The following UTRN variants were observed in gnomAD, a reference collection of about 807,000 sequenced individuals.
The protein encoded by UTRN is dystrophin-related protein 1.
Under a neutral mutation model 463.9 loss-of-function variants are expected in UTRN, and 283 were observed. The ratio of observed to expected loss-of-function variants is 0.61; its 90% CI spans 0.55 to 0.67. The LOEUF (loss-of-function observed/expected upper bound fraction) is 0.67. Among genes scored for constraint, UTRN ranks in the 30% least tolerant of loss-of-function variants. UTRN has a pLI of 0.00. For synonymous variants in UTRN, 1,442 were observed against 1,431.5 expected (o/e 1.01, Z -0.17); for missense variants, 3,922 against 4,084.3 (o/e 0.96, Z 1.08).
chr6:144,835,963 A>AT, intron 70 of UTRN, 25 bp downstream of exon 70: 3 of 1,609,888 alleles, frequency 1.9e-6, no homozygotes, highest in Non-Finnish European at 2.5e-6. Flanking sequence ...GGAGAAGGAA[A>AT]TATGTCATCC....
intron 51 of UTRN, among the ~76,000 whole-genome samples, chr6:144,642,927 C>T (rs1585741238): frequency 1.3e-5 from 2 of 152,110 alleles, no homozygotes; most frequent in Non-Finnish European, 2.9e-5. Flanking sequence ...TTTGCTCCTT[C>T]TGAGTTTACA....
At chr6:144,607,007 G>C (rs746020786) in intron 51 of UTRN, among the ~76,000 whole-genome samples, 1 of 152,084 alleles carries the variant, frequency 6.6e-6, no homozygotes, top group Non-Finnish European at 1.5e-5. Context: ...CCATTTATTT[G>C]CTGGTTTGTA....
Position 144,344,158 on chromosome 6 carries a change from T to C in UTRN, c.79+52251T>C, listed in dbSNP as rs1777376869. 5 of 1,297,254 alleles carry C rather than the reference T, an allele frequency of 3.9e-6. No individual in the cohort carries two copies. The East Asian group carries it at 2.8e-4, about 73-fold the overall frequency. The allele number at this position is 1,297,254 out of a possible 1,614,324, so 80.4% of individuals were successfully genotyped here. A position where few individuals can be genotyped will look rare whatever the true frequency, so the allele number is the denominator to read the frequency against. On this transcript the variant is annotated intron_variant, in intron 2 of 74. Coordinates refer to ENST00000367545, the MANE Select transcript of UTRN (RefSeq NM_007124.3). ...CAGTGTGCAGTTCGAAGGCTGCTTT[T>C]GTTGTCCACTTCCTCCACATCTTTT...
intron 51 of UTRN, among the ~76,000 whole-genome samples, chr6:144,609,651 T>A (rs1805259706): frequency 1.3e-5 from 2 of 152,132 alleles, no homozygotes; most frequent in Admixed American, 1.3e-4. Flanking sequence ...GAACATAAAA[T>A]AATCTCCAGA....
chr6:144,483,588 T>G (rs1792113348), intron 27 of UTRN, among the ~76,000 whole-genome samples: 2 of 152,102 alleles, frequency 1.3e-5, no homozygotes, highest in Non-Finnish European at 2.9e-5. Context: ...GACTCCAGCC[T>G]TGCAATGCCA....
intron 6 of UTRN, 42 bp from the exon 7 acceptor site, chr6:144,426,245 C>T (rs769478036): frequency 6.1e-5 from 95 of 1,561,680 alleles, no homozygotes; most frequent in Non-Finnish European, 2.6e-6. Flanking sequence ...AAGTAAATTA[C>T]TGAAGTATTA....
chr6:144,429,677 G>A lies in UTRN; in HGVS notation c.791G>A (p.Arg264His), dbSNP rs750839546. ...LPQQVTIDAI[R>H]EVETLPRKYK... is the part of the protein sequence containing the mutation. ...CAGCAAGTCACCATAGACGCCATCC[G>A]TGAGGTAGAGACACTCCCAAGGAAA... Residue 264 changes from arginine to histidine, a missense_variant, in exon 9 of 75, where the codon CGT (arginine) becomes CAT (histidine). Coordinates refer to ENST00000367545, the MANE Select transcript of UTRN (RefSeq NM_007124.3). The A allele has an allele frequency of 6.2e-6, 10 of 1,612,870 alleles. No individual in the cohort carries two copies. Among genetic ancestry groups the A allele is most frequent in the Middle Eastern group, 1.6e-4 (1 of 6,080 alleles).
intron 34 of UTRN, among the ~76,000 whole-genome samples, chr6:144,499,774 G>C (rs949686102): frequency 1.3e-5 from 2 of 151,898 alleles, no homozygotes; most frequent in Non-Finnish European, 1.5e-5. Flanking sequence ...TCTGTTTCTC[G>C]CCCCTCTACT....
In UTRN at chr6:144,551,015, T is replaced by C; in HGVS notation, c.6861T>C (p.Phe2287=). ...EQRHPQLDYV[F]TLAQNLKNKA... ...GCCATCCTCAGCTGGATTATGTTTT[T>C]ACATTGGCACAGAATTTGAAAAATA... The change falls in exon 48 of 75, where the codon TTT becomes TTC. Residue 2287 remains phenylalanine, a synonymous_variant. Transcript: ENST00000367545. The C allele has an allele frequency of 6.2e-7, 1 of 1,612,802 alleles. No homozygotes were observed.
At chr6:144,470,351 T>G (rs6934162) in intron 23 of UTRN, among the ~76,000 whole-genome samples, 1 of 148,818 alleles carries the variant, frequency 6.7e-6, no homozygotes, top group Admixed American at 6.7e-5. Context: ...CCAGATGGGG[T>G]GGCTGCCGGG....
chr6:144,388,495 T>A (rs1781612501), intron 2 of UTRN, among the ~76,000 whole-genome samples: 1 of 150,712 alleles, frequency 6.6e-6, no homozygotes. Flanking sequence ...TTTATTTATT[T>A]ATTTATTTAT....
chr6:144,549,593 A>G (rs1798721270), intron 47 of UTRN, among the ~76,000 whole-genome samples: 1 of 152,208 alleles, frequency 6.6e-6, no homozygotes, highest in Admixed American at 6.5e-5. Flanking sequence ...TACTGTAGCA[A>G]GGCAAGAGTC....
intron 66 of UTRN, among the ~76,000 whole-genome samples, chr6:144,822,287 A>G (rs1407567264): frequency 1.3e-5 from 2 of 152,136 alleles, no homozygotes; most frequent in African/African-American, 4.8e-5. Context: ...TGGCTAAGAA[A>G]TAGAAGAAAG....
chr6:144,424,725 C>T (rs925435262), intron 6 of UTRN, among the ~76,000 whole-genome samples: 1 of 152,082 alleles, frequency 6.6e-6, no homozygotes, highest in Non-Finnish European at 1.5e-5. Flanking sequence ...TTCCCAAGTA[C>T]CTTTCACTCA....
intron 39 of UTRN, among the ~76,000 whole-genome samples, chr6:144,519,468 G>A (rs377508707): frequency 6.6e-6 from 1 of 152,092 alleles, no homozygotes; most frequent in Non-Finnish European, 1.5e-5. Flanking sequence ...TGTGAGCTAC[G>A]TCATGTAACA....
chr6:144,453,669 C>A, intron 18 of UTRN, 113 bp from the exon 19 acceptor site: 3 of 827,376 alleles, frequency 3.6e-6, no homozygotes, highest in Non-Finnish European at 5.5e-6. Flanking sequence ...TTGAATTTAC[C>A]TTTTCAGATT....
At chr6:144,488,580 C>A in intron 29 of UTRN, 93 bp from the exon 30 acceptor site, 1 of 1,250,292 alleles carries the variant, frequency 8.0e-7, no homozygotes, top group South Asian at 2.0e-5. Context: ...TGGATGAAAG[C>A]TTTTATGGTC....
At chr6:144,331,394 A>G (rs746956796) in intron 2 of UTRN, among the ~76,000 whole-genome samples, 14 of 152,238 alleles carry the variant, frequency 9.2e-5, no homozygotes, top group Non-Finnish European at 1.9e-4. Context: ...GTGTCTAATG[A>G]TACGCTATGA....
intron 3 of UTRN, among the ~76,000 whole-genome samples, chr6:144,414,925 G>T (rs1232100979): frequency 2.6e-5 from 4 of 152,112 alleles, no homozygotes; most frequent in Non-Finnish European, 5.9e-5. Context: ...CGTTAGCCAG[G>T]ATGGTCTCCA....
Sources: gnomAD v4.1 joint callset for allele counts (sites outside exome capture counted in the v4.1 genomes callset) on GRCh38, gnomAD v4.1.1 for gene constraint, MANE v1.5 for transcripts, NCBI Gene and HGNC (gene_info 2026-07-23, HGNC 2026-07-21) for gene names.